Variants in HHIPL1 observed in about 807,000 individuals in gnomAD.
HHIPL1 encodes the protein HHIP like 1, also known as HHIP-like protein 1.
HHIPL1 carries 43 observed loss-of-function variants against 61.8 expected under a neutral mutation model. The ratio of observed to expected loss-of-function variants is 0.70; its 90% confidence interval spans 0.55 to 0.90. HHIPL1 has a LOEUF of 0.90. Ranked by LOEUF, HHIPL1 falls within the 40% of genes least tolerant of loss-of-function variation. HHIPL1 has a pLI of 0.00. For missense variants in HHIPL1, 1,056 were observed against 1,157.7 expected (o/e 0.91, Z 1.28); for synonymous variants, 482 against 515.8 (o/e 0.93, Z 0.89).
chr14:99,657,044 G>A lies in HHIPL1; in HGVS notation c.947G>A (p.Gly316Asp). Reference protein sequence around the residue: ...VKEPASNHNGGQLLFGDDGYL... With the variant: ...VKEPASNHNGDQLLFGDDGYL... The stretch of plus-strand genomic sequence containing the variant: ...GAACCAGCCTCAAACCACAACGGGG[G>A]CCAGCTGCTTTTCGGGGATGACGGG... Residue 316 changes from glycine (G) to aspartate (D), a missense_variant, in exon 3 of 9, where the codon GGC (glycine) becomes GAC (aspartate). Transcript: ENST00000330710. 6.2e-7 allele frequency: 1 copy of A among 1,613,638 alleles called. No individual in the cohort carries two copies. The highest frequency in any genetic ancestry group is 8.5e-7 in the Non-Finnish European group (1 of 1,179,786).
chr14:99,637,046 A>AGAAAGAAAGAAAGAAAGAAAGAAG, the HHIPL1 span, among the ~76,000 whole-genome samples: 1 of 92,284 alleles, frequency 1.1e-5, no homozygotes, highest in African/African-American at 3.8e-5. Flanking sequence ...AAAGAAAGAA[A>AGAAAGAAAGAAAGAAAGAAAGAAG]GAAGGAAGGA....
At chr14:99,631,122 C>T in the HHIPL1 span, among the ~76,000 whole-genome samples, 2 of 146,746 alleles carry the variant, frequency 1.4e-5, no homozygotes, top group African/African-American at 2.6e-5. Context: ...CTCTTTCTTT[C>T]TTTCTTTTTT....
At chr14:99,637,669 G>A in the HHIPL1 span, among the ~76,000 whole-genome samples, 1 of 152,300 alleles carries the variant, frequency 6.6e-6, no homozygotes, top group Non-Finnish European at 1.5e-5. Flanking sequence ...TGTGGAACCT[G>A]CACACAGTCG....
At position 99,675,410 on chromosome 14, in the gene HHIPL1, C is replaced by A; in HGVS notation, c.2133C>A (p.Val711=). The A allele has an allele frequency of 1.3e-6, 2 of 1,530,248 alleles. No individual in the cohort carries two copies. The highest frequency in any genetic ancestry group is 1.8e-6 in the Non-Finnish European group (2 of 1,141,994). 94.8% of individuals were successfully genotyped at this position (1,530,248 alleles called of 1,614,324 possible). ...CCTGGAACATCAGCGGCGCCGCCGTCGTGTGTCGCCAGCTGGGGTTTGCCT... is the reference window on the plus strand; with the variant it reads ...CCTGGAACATCAGCGGCGCCGCCGTAGTGTGTCGCCAGCTGGGGTTTGCCT... ...DDSWNISGAA[V]VCRQLGFAYA... The change falls in exon 9 of 9, where the codon GTC becomes GTA. Residue 711 remains valine, a synonymous_variant. Transcript: ENST00000330710. The surrounding 1 kb of genome is among the most constrained non-coding windows in gnomAD (Gnocchi z 5.4).
At chr14:99,607,848 T>C in the HHIPL1 span, among the ~76,000 whole-genome samples, 1 of 152,218 alleles carries the variant, frequency 6.6e-6, no homozygotes, top group African/African-American at 2.4e-5. Flanking sequence ...GTCACTTTCA[T>C]TCATTAGCTC....
At chr14:99,634,160 C>A in the HHIPL1 span, among the ~76,000 whole-genome samples, 1 of 152,154 alleles carries the variant, frequency 6.6e-6, no homozygotes, top group African/African-American at 2.4e-5. Flanking sequence ...AGTGTGTAGA[C>A]ATGTCTCCCT....
intron 1 of HHIPL1, among the ~76,000 whole-genome samples, chr14:99,650,422 A>T (rs368107758): frequency 6.0e-4 from 92 of 152,336 alleles, no homozygotes; most frequent in African/African-American, 2.1e-3. Flanking sequence ...TGTCAGTCAC[A>T]GATAGAAAGA....
Position 99,675,110 on chromosome 14 carries a change from G to T in HHIPL1, c.1833G>T (p.Arg611=). ...VPKEKFIPKT[R]STPRPTARAP... ...GCGCAGAGTTCATCCCGAAGACACGGAGCACCCCGCGGCCTACAGCGCGGG... is the reference window on the plus strand; with the variant it reads ...GCGCAGAGTTCATCCCGAAGACACGTAGCACCCCGCGGCCTACAGCGCGGG... Residue 611 remains arginine (R), a synonymous_variant, in exon 9 of 9, where the codon CGG becomes CGT. Transcript: ENST00000330710. The surrounding 1 kb of genome is among the most constrained non-coding windows in gnomAD (Gnocchi z 5.4). The T allele has an allele frequency of 8.6e-7, 1 of 1,166,416 alleles. No individual in the cohort carries two copies. The highest frequency in any genetic ancestry group is 2.7e-5 in the South Asian group (1 of 37,354). The allele number at this position is 1,166,416 out of a possible 1,614,324, so 72.3% of individuals were successfully genotyped here.
the HHIPL1 span, among the ~76,000 whole-genome samples, chr14:99,637,077 AG>A: frequency 2.6e-4 from 26 of 101,410 alleles, 1 homozygote; most frequent in East Asian, 7.4e-3. Context: ...AAAGAAAGAG[AG>A]AGAAAGAAAG....
At chr14:99,629,201 T>C in the HHIPL1 span, among the ~76,000 whole-genome samples, 1 of 152,232 alleles carries the variant, frequency 6.6e-6, no homozygotes, top group Non-Finnish European at 1.5e-5. Context: ...CCCCACCTTA[T>C]ACCTGTGCAC....
At chr14:99,618,835 A>G in the HHIPL1 span, among the ~76,000 whole-genome samples, 1 of 152,218 alleles carries the variant, frequency 6.6e-6, no homozygotes, top group Non-Finnish European at 1.5e-5. Flanking sequence ...CGAGGGGTGC[A>G]CATCTGGTGT....
the HHIPL1 span, among the ~76,000 whole-genome samples, chr14:99,631,499 A>G: frequency 2.0e-5 from 3 of 152,124 alleles, no homozygotes; most frequent in African/African-American, 7.2e-5. Context: ...CCACTCAGAC[A>G]TGGGAGTCAC....
intron 5 of HHIPL1, among the ~76,000 whole-genome samples, chr14:99,662,115 C>T (rs976163331): frequency 1.3e-5 from 2 of 152,090 alleles, no homozygotes; most frequent in East Asian, 1.9e-4. Context: ...TTTTCCCAGC[C>T]GCTCTGCTGG....
chr14:99,664,383 AG>A (rs1264456643), intron 6 of HHIPL1, among the ~76,000 whole-genome samples: 1 of 152,184 alleles, frequency 6.6e-6, no homozygotes, highest in Non-Finnish European at 1.5e-5. Context: ...TTTGGTCAGT[AG>A]GGGGTTAATG....
chr14:99,670,184 T>C (rs923561569), intron 7 of HHIPL1, among the ~76,000 whole-genome samples: 3 of 151,650 alleles, frequency 2.0e-5, no homozygotes, highest in African/African-American at 7.3e-5. Flanking sequence ...TGATCTCAAC[T>C]CATTGCAACC....
rs763990860 is a variant in HHIPL1, at chr14:99,660,331, CA to C, written c.1428del (p.Gly478AlafsTer12). ...CCGCACACGGTTGGCAAGTCGGTCA[CA>C]GGGGGCTACGTGTACCGGGGCTGCG... Reference protein sequence around the residue: ...AYPHTVGKSVTGGYVYRGCEY... With the variant: ...AYPHTVGKSVXGGYVYRGCEY... On this transcript the variant is annotated frameshift_variant, in exon 5 of 9. Coordinates refer to ENST00000330710, the MANE Select transcript of HHIPL1 (RefSeq NM_001127258.3). LOFTEE classifies it high-confidence loss of function. This position sits in a 1 kb window ranked among gnomAD's most constrained non-coding sequence, Gnocchi z 4.9. 3.7e-6 allele frequency: 6 copies of C among 1,614,032 alleles called. No homozygotes were observed. The highest frequency in any genetic ancestry group is 5.1e-6 in the Non-Finnish European group (6 of 1,180,016).
intron 6 of HHIPL1, among the ~76,000 whole-genome samples, chr14:99,665,942 TG>T (rs2056238223): frequency 6.6e-6 from 1 of 151,996 alleles, no homozygotes; most frequent in African/African-American, 2.4e-5. Flanking sequence ...CCACCATGCC[TG>T]GCTAATTTTT....
At chr14:99,606,159 G>A in the HHIPL1 span, among the ~76,000 whole-genome samples, 1 of 152,212 alleles carries the variant, frequency 6.6e-6, no homozygotes, top group Non-Finnish European at 1.5e-5. Context: ...GAGAGGATGG[G>A]CTGAGCACAG....
At position 99,678,897 on chromosome 14, in the gene HHIPL1, T is replaced by C. The variant is rs2056415442; in HGVS notation, c.*3271T>C. 6.6e-6 allele frequency: 1 copy of C among 152,262 alleles called. No homozygotes were observed. The highest frequency in any genetic ancestry group is 2.4e-5 in the African/African-American group (1 of 41,474). The allele number at this position is 152,262 out of a possible 1,614,324, so 9.4% of individuals were successfully genotyped here. ...TATTTCTAACACTTACGATTTATTC[T>C]TTAACAAGAAGGGAAACTTTCAAGA... On this transcript the variant is annotated 3_prime_UTR_variant, in exon 9 of 9. Coordinates refer to ENST00000330710, the MANE Select transcript of HHIPL1 (RefSeq NM_001127258.3).
Sources: allele counts gnomAD v4.1 joint callset (sites outside exome capture counted in the v4.1 genomes callset), GRCh38; gene constraint gnomAD v4.1.1; non-coding constraint Gnocchi (gnomAD v3.1); transcripts MANE v1.5; gene names NCBI Gene and HGNC (gene_info 2026-07-23, HGNC 2026-07-21).